LIPM: variants seen among roughly 807,000 people sequenced by gnomAD.
LIPM encodes lipase member M.
In LIPM, 42 loss-of-function variants were observed where a neutral mutation model predicts 42.4. The ratio of observed to expected loss-of-function variants is 0.99; its 90% confidence interval spans 0.77 to 1.28. The LOEUF (loss-of-function observed/expected upper bound fraction) is 1.28. LIPM is among the 50% of genes most tolerant of loss of function. LIPM has a pLI of 0.00. For synonymous variants in LIPM, 177 were observed against 173.3 expected (o/e 1.02, Z -0.17); for missense variants, 524 against 520.1 (o/e 1.01, Z -0.07).
intron 8 of LIPM, among the ~76,000 whole-genome samples, 160 bp downstream of exon 8, chr10:88,818,056 C>A (rs889161507): frequency 1.2e-4 from 18 of 152,160 alleles, no homozygotes; most frequent in Non-Finnish European, 1.5e-5. Context: ...GTTAAGTTCA[C>A]AGCTGATCCA....
chr10:88,814,970 G>C lies in LIPM; in HGVS notation c.575-118G>C, dbSNP rs1015613458. The C allele has an allele frequency of 5.5e-6, 5 of 910,100 alleles. No individual in the cohort carries two copies. The African/African-American group carries it at 8.4e-5, about 15-fold the overall frequency. 56.4% of individuals were successfully genotyped at this position (910,100 alleles called of 1,614,324 possible). On this transcript the variant is annotated intron_variant, in intron 4 of 8. Transcript: ENST00000404743. ...TCATAAGGACCTTATAATTTTATAG[G>C]AGAGGTAAGATGCAGTCACATATAT...
intron 5 of LIPM, 33 bp downstream of exon 5, chr10:88,815,257 G>C: frequency 6.5e-7 from 1 of 1,546,866 alleles, no homozygotes; most frequent in Non-Finnish European, 8.7e-7. Flanking sequence ...TCCTGTGTAC[G>C]TAGAAAAATC....
chr10:88,820,448 ATGCAGCAG>A lies in LIPM; in HGVS notation c.1220_1227del (p.Met407ArgfsTer11), dbSNP rs1428375634. The A allele has an allele frequency of 6.4e-7, 1 of 1,551,950 alleles. No individual in the cohort carries two copies. The highest frequency in any genetic ancestry group is 2.4e-5 in the East Asian group (1 of 40,918). ...TATGTACAATGAAATCATCCATCTGATGCAGCAGGAGGAGACCAACCTTTCCCAGGGAC... is the reference window on the plus strand; with the variant it reads ...TATGTACAATGAAATCATCCATCTGAGAGGAGACCAACCTTTCCCAGGGAC... On this transcript the variant is annotated frameshift_variant, in exon 9 of 9. Transcript: ENST00000404743. LOFTEE classifies it low-confidence loss of function (END_TRUNC).
chr10:88,804,229 T>G (rs1041914551), intron 1 of LIPM, among the ~76,000 whole-genome samples: 5 of 152,164 alleles, frequency 3.3e-5, no homozygotes, highest in African/African-American at 1.2e-4. Flanking sequence ...GCCCTGAGAC[T>G]GTCCCACTTG....
intron 4 of LIPM, 135 bp from the exon 5 acceptor site, chr10:88,814,953 A>G: frequency 1.3e-6 from 1 of 790,734 alleles, no homozygotes; most frequent in South Asian, 2.1e-5. Context: ...TGTCATAAGG[A>G]CCTTATAATT....
intron 2 of LIPM, among the ~76,000 whole-genome samples, chr10:88,811,366 G>A (rs79902429): frequency 0.04 from 6,111 of 152,180 alleles, 326 homozygotes; most frequent in East Asian, 0.17. Flanking sequence ...AAAGCAATAA[G>A]GCTGTTTTTT....
intron 4 of LIPM, 119 bp downstream of exon 4, chr10:88,814,758 T>A: frequency 1.3e-6 from 1 of 755,388 alleles, no homozygotes; most frequent in East Asian, 2.7e-5. Flanking sequence ...ATCTTCAGAA[T>A]CATGTAGTCC....
In LIPM at chr10:88,813,127, G is replaced by A. The variant is rs1329952282; in HGVS notation, c.296G>A (p.Gly99Asp). 1 of 1,605,134 alleles carries A rather than the reference G, an allele frequency of 6.2e-7. No homozygotes were observed. The highest frequency in any genetic ancestry group is 8.5e-7 in the Non-Finnish European group (1 of 1,175,254). The change falls in exon 3 of 9, where the codon GGC becomes GAC. Residue 99 changes from glycine (G) to aspartate (D), a missense_variant. Coordinates refer to ENST00000404743, the MANE Select transcript of LIPM (RefSeq NM_001128215.1). ...AGGCCTGTGGTGTTACTGCAGCATG[G>A]CCTAGTTGGAGGTGCTAGCAACTGG... is the stretch of plus-strand genomic sequence containing the variant. ...GSRPVVLLQH[G>D]LVGGASNWIS...
At chr10:88,817,414 G>A (rs1843730270) in intron 7 of LIPM, among the ~76,000 whole-genome samples, 1 of 152,196 alleles carries the variant, frequency 6.6e-6, no homozygotes, top group African/African-American at 2.4e-5. Context: ...GAGAGACAGA[G>A]AGAGAGAGAG....
intron 2 of LIPM, among the ~76,000 whole-genome samples, chr10:88,812,881 C>T (rs186660535): frequency 6.6e-6 from 1 of 152,312 alleles, no homozygotes; most frequent in Admixed American, 6.5e-5. Flanking sequence ...ATTTCTTGTG[C>T]TCTATTTTAT....
intron 7 of LIPM, among the ~76,000 whole-genome samples, chr10:88,817,175 G>A (rs1407743054): frequency 6.6e-6 from 1 of 152,180 alleles, no homozygotes; most frequent in East Asian, 1.9e-4. Flanking sequence ...TCAAAGATGT[G>A]GCTGGAGATA....
intron 1 of LIPM, 99 bp downstream of exon 1, chr10:88,803,142 C>G: frequency 7.7e-7 from 1 of 1,300,620 alleles, no homozygotes; most frequent in Non-Finnish European, 1.1e-6. Flanking sequence ...GGTGGTGATT[C>G]ATACTAGAAG....
At chr10:88,808,080 C>A (rs1843609844) in intron 1 of LIPM, among the ~76,000 whole-genome samples, 1 of 152,120 alleles carries the variant, frequency 6.6e-6, no homozygotes, top group African/African-American at 2.4e-5. Context: ...AAGGCCCATA[C>A]TTTGAGAACC....
At chr10:88,806,687 TA>T (rs1843592180) in intron 1 of LIPM, among the ~76,000 whole-genome samples, 1 of 152,086 alleles carries the variant, frequency 6.6e-6, no homozygotes, top group Non-Finnish European at 1.5e-5. Context: ...GACACTTCTA[TA>T]AATTTTTTTT....
At chr10:88,814,503 A>T in intron 3 of LIPM, 27 bp from the exon 4 acceptor site, 1 of 1,457,708 alleles carries the variant, frequency 6.9e-7, no homozygotes, top group Non-Finnish European at 9.4e-7. Flanking sequence ...ATAATTTTTC[A>T]TATAACTTTG....
Position 88,802,785 on chromosome 10 carries a change from A to G in LIPM, c.-112A>G. On this transcript the variant is annotated 5_prime_UTR_variant, in exon 1 of 9. Transcript: ENST00000404743. ...CTTGCCTAATTTGCTTCAGAATTGG[A>G]AGAGGGAATTGCAGCAGGAAAATAT... 3 of 1,138,078 alleles carry G rather than the reference A, an allele frequency of 2.6e-6. No individual in the cohort carries two copies. Among genetic ancestry groups the G allele is most frequent in the Non-Finnish European group, 3.7e-6 (3 of 815,402 alleles). The allele number at this position is 1,138,078 out of a possible 1,614,324, so 70.5% of individuals were successfully genotyped here. A position where few individuals can be genotyped will look rare whatever the true frequency, so the allele number is the denominator to read the frequency against.
At chr10:88,812,275 A>G (rs1843664826) in intron 2 of LIPM, among the ~76,000 whole-genome samples, 1 of 152,322 alleles carries the variant, frequency 6.6e-6, no homozygotes, top group African/African-American at 2.4e-5. Flanking sequence ...AATAACTTTA[A>G]TGACTTCATT....
chr10:88,802,942 G>C lies in LIPM; in HGVS notation c.46G>C (p.Glu16Gln), dbSNP rs916094897. The C allele has an allele frequency of 1.9e-6, 3 of 1,551,050 alleles. No individual in the cohort carries two copies. Among genetic ancestry groups the C allele is most frequent in the Non-Finnish European group, 2.6e-6 (3 of 1,146,646 alleles). ...ACAGTGGATTGTCTCACACAGAATG[G>C]AAATGTGGCTTCTGATTCTGGTGGC... The part of the protein sequence containing the change: ...SRQWIVSHRM[E>Q]MWLLILVAYM... Residue 16 changes from glutamate to glutamine, a missense_variant, in exon 1 of 9, where the codon GAA (glutamate) becomes CAA (glutamine). By Grantham distance (29) the Glu-to-Gln change is conservative. Transcript: ENST00000404743.
chr10:88,815,850 GT>G (rs1843713227), intron 6 of LIPM, among the ~76,000 whole-genome samples: 1 of 152,184 alleles, frequency 6.6e-6, no homozygotes, highest in Non-Finnish European at 1.5e-5. Context: ...GGTCCTGTAG[GT>G]TTGTAGTTTA....
Sources: gnomAD v4.1 joint callset for allele counts (sites outside exome capture counted in the v4.1 genomes callset) on GRCh38, gnomAD v4.1.1 for gene constraint, MANE v1.5 for transcripts, NCBI Gene and HGNC (gene_info 2026-07-23, HGNC 2026-07-21) for gene names.